Variants in PKHD1 observed in about 807,000 individuals in gnomAD.
PKHD1 encodes PKHD1 ciliary IPT domain containing fibrocystin/polyductin, also known as fibrocystin.
In PKHD1, 291 loss-of-function variants were observed where a neutral mutation model predicts 412.0. The observed-to-expected ratio is 0.71, with a 90% CI of 0.64 to 0.78. The LOEUF (loss-of-function observed/expected upper bound fraction) is 0.78, where lower values mean the gene tolerates loss of function less well. PKHD1 is among the 30% of genes least tolerant of loss of function. The probability of loss-of-function intolerance (pLI) is 0.00; values close to 1 mark genes in which losing one functional copy is unlikely to be tolerated. For missense variants in PKHD1, 4,825 were observed against 4,950.7 expected (o/e 0.97, Z 0.76); for synonymous variants, 1,777 against 1,821.5 (o/e 0.98, Z 0.62).
intron 35 of PKHD1, chr6:51,975,854 A>T (rs999668557): frequency 1.3e-5 from 2 of 150,704 alleles, no homozygotes; most frequent in African/African-American, 4.9e-5. Context: ...CCCAGGTTGG[A>T]AAAAGAGCAG....
chr6:52,017,512 G>C lies in PKHD1; in HGVS notation c.5498C>G (p.Ser1833Trp). ...CTCGCAAATGTAGAGGTAAGGCCAC[G>C]ATTCAAGCAGTTGCTCTGTCGCCAT... is the stretch of plus-strand genomic sequence containing the variant. Reference protein sequence around the residue: ...VAMATEQLLESWPYLYICEES... With the variant: ...VAMATEQLLEWWPYLYICEES... The change falls in exon 34 of 67, where the codon TCG becomes TGG. Residue 1833 changes from serine (S) to tryptophan (W), a missense_variant. Physicochemically the swap from Ser to Trp is radical, Grantham distance 177 (BLOSUM62 -3). Transcript: ENST00000371117. 6.2e-7 allele frequency: 1 copy of C among 1,613,924 alleles called. No individual in the cohort carries two copies.
In PKHD1 at chr6:51,649,190, C is replaced by T; in HGVS notation, c.11205G>A (p.Leu3735=). 1 of 1,611,880 alleles carries T rather than the reference C, an allele frequency of 6.2e-7. No homozygotes were observed. Among genetic ancestry groups the T allele is most frequent in the Non-Finnish European group, 8.5e-7 (1 of 1,178,060 alleles). The change falls in exon 62 of 67, where the codon TTG becomes TTA. Residue 3735 remains leucine (L), a synonymous_variant. Coordinates refer to ENST00000371117, the MANE Select transcript of PKHD1 (RefSeq NM_138694.4). Reference sequence around the variant, plus strand: ...AAAGTGCATAGGGCCGAATATATATCAAGTTCCCAGTTTTAAAACTGCTTG... The same window carrying T: ...AAAGTGCATAGGGCCGAATATATATTAAGTTCCCAGTTTTAAAACTGCTTG... ...GNTSSFKTGN[L]IYIRPYALSI...
chr6:52,060,965 C>T (rs1033112291), intron 14 of PKHD1, among the ~76,000 whole-genome samples: 3 of 152,008 alleles, frequency 2.0e-5, no homozygotes, highest in African/African-American at 7.3e-5. Flanking sequence ...GCTTGTGGTT[C>T]CTCAAAATGG....
chr6:51,883,543 C>T (rs1777726786), intron 45 of PKHD1, among the ~76,000 whole-genome samples: 1 of 152,122 alleles, frequency 6.6e-6, no homozygotes, highest in Non-Finnish European at 1.5e-5. Flanking sequence ...CAGAGAAAAA[C>T]ATTGCATCCA....
In PKHD1 at chr6:52,028,191, G is replaced by A. The variant is rs751244001; in HGVS notation, c.3525C>T (p.Ser1175=). Residue 1175 remains serine (S), a synonymous_variant, in exon 30 of 67, where the codon TCC becomes TCT. Coordinates refer to ENST00000371117, the MANE Select transcript of PKHD1 (RefSeq NM_138694.4). ...PPLPAGLHRI[S]VSINGVSIHS... ...GAATGCTGACCCCATTGATAGAGAC[G>A]GAAATTCTGTGGAGACCAGCTGGCA... The A allele has an allele frequency of 1.7e-5, 28 of 1,614,116 alleles. No individual in the cohort carries two copies. The highest frequency in any genetic ancestry group is 4.0e-5 in the African/African-American group (3 of 74,934).
chr6:52,026,203 C>G, intron 31 of PKHD1, 22 bp from the exon 32 acceptor site: 14 of 1,607,546 alleles, frequency 8.7e-6, no homozygotes, highest in Non-Finnish European at 1.1e-5. Flanking sequence ...ATACGGAAAG[C>G]AAAATATTAT....
At chr6:51,708,241 C>T (rs1484926491) in intron 60 of PKHD1, among the ~76,000 whole-genome samples, 2 of 152,140 alleles carry the variant, frequency 1.3e-5, no homozygotes, top group Non-Finnish European at 2.9e-5. Flanking sequence ...CTCTTTTCCT[C>T]ATCTCTTACC....
rs1277193806 is a variant in PKHD1, at chr6:51,631,927, CT to C, written c.11665+637del. On this transcript the variant is annotated intron_variant, in intron 65 of 66. Coordinates refer to ENST00000371117, the MANE Select transcript of PKHD1 (RefSeq NM_138694.4). ...GGAGAGGATGACATTTCCCCGGATTCTTTTTTTTTTTCTTTTTTTTTTTTTT... is the reference window on the plus strand; with the variant it reads ...GGAGAGGATGACATTTCCCCGGATTCTTTTTTTTTTCTTTTTTTTTTTTTT... Among the ~76,000 whole-genome samples, 112 of 137,586 alleles carry C rather than the reference CT, an allele frequency of 8.1e-4. 1 individual carries two copies. The highest frequency in any genetic ancestry group is 1.8e-3 in the African/African-American group (66 of 36,516). The allele number at this position is 137,586 out of a possible 152,430, so 90.3% of individuals were successfully genotyped here.
chr6:51,971,794 A>T (rs1360780487), intron 35 of PKHD1, among the ~76,000 whole-genome samples: 1 of 151,986 alleles, frequency 6.6e-6, no homozygotes, highest in Non-Finnish European at 1.5e-5. Context: ...GAAGTGGTGC[A>T]GTCTCAAATC....
At chr6:51,779,085 G>A (rs1306087492) in intron 53 of PKHD1, among the ~76,000 whole-genome samples, 1 of 152,108 alleles carries the variant, frequency 6.6e-6, no homozygotes, top group Non-Finnish European at 1.5e-5. Flanking sequence ...AGAACTAGTA[G>A]GGGACAAGGA....
intron 35 of PKHD1, among the ~76,000 whole-genome samples, chr6:52,000,539 GAAAT>G (rs1300314746): frequency 2.6e-5 from 4 of 152,150 alleles, no homozygotes; most frequent in Non-Finnish European, 2.9e-5. Flanking sequence ...ACTTTAGAAG[GAAAT>G]AAATAATCAT....
chr6:52,033,035 A>G lies in PKHD1; in HGVS notation c.3359T>C (p.Ile1120Thr). ...TGCAGTATCACATATTTTACCTGCT[A>G]TATTGCTTATGTTTCTGCTCAGAGT... is the stretch of plus-strand genomic sequence containing the variant. The part of the protein sequence containing the change: ...IVTLSRNISN[I>T]AGGETLVIGV... Residue 1120 changes from isoleucine (I) to threonine (T), a missense_variant, in exon 29 of 67, where the codon ATA (isoleucine) becomes ACA (threonine). Physicochemically the swap from Ile to Thr is moderately conservative, Grantham distance 89 (BLOSUM62 -1). Coordinates refer to ENST00000371117, the MANE Select transcript of PKHD1 (RefSeq NM_138694.4). 6.2e-7 allele frequency: 1 copy of G among 1,612,262 alleles called. No individual in the cohort carries two copies. Among genetic ancestry groups the G allele is most frequent in the Non-Finnish European group, 8.5e-7 (1 of 1,178,432 alleles).
chr6:51,881,122 C>T (rs567583548), intron 46 of PKHD1, among the ~76,000 whole-genome samples: 2 of 141,274 alleles, frequency 1.4e-5, no homozygotes, highest in East Asian at 4.2e-4. Flanking sequence ...CACCTGGCAA[C>T]ATAGTGGTTC....
At position 51,617,910 on chromosome 6, in the gene PKHD1, T is replaced by A. The variant is rs1239473961; in HGVS notation, c.*1171A>T. ...CTGGTTTTCAGGATTTTCAGGAAAATCTGAGAGCAATCTCTTTTTGGAAGC... is the reference window on the plus strand; with the variant it reads ...CTGGTTTTCAGGATTTTCAGGAAAAACTGAGAGCAATCTCTTTTTGGAAGC... On this transcript the variant is annotated 3_prime_UTR_variant, in exon 67 of 67. Transcript: ENST00000371117. 2 of 152,172 alleles carry A rather than the reference T, an allele frequency of 1.3e-5. No homozygotes were observed. Among genetic ancestry groups the A allele is most frequent in the Non-Finnish European group, 2.9e-5 (2 of 68,032 alleles). The allele number at this position is 152,172 out of a possible 1,614,324, so 9.4% of individuals were successfully genotyped here. A position where few individuals can be genotyped will look rare whatever the true frequency, so the allele number is the denominator to read the frequency against.
chr6:51,655,529 C>T (rs1771677252), intron 61 of PKHD1, among the ~76,000 whole-genome samples: 1 of 152,116 alleles, frequency 6.6e-6, no homozygotes, highest in African/African-American at 2.4e-5. Context: ...CTCACAGTAA[C>T]TGTTTTCATG....
chr6:52,014,949 C>T (rs768608463), intron 34 of PKHD1, among the ~76,000 whole-genome samples: 7 of 152,156 alleles, frequency 4.6e-5, no homozygotes, highest in Non-Finnish European at 7.3e-5. Context: ...TGGAAAAACA[C>T]ATAAAAACTC....
chr6:51,865,035 T>C (rs893015867), intron 48 of PKHD1, among the ~76,000 whole-genome samples: 16 of 152,202 alleles, frequency 1.1e-4, no homozygotes, highest in African/African-American at 3.9e-4. Context: ...CACTGGCATG[T>C]GTTTCTGATA....
intron 60 of PKHD1, among the ~76,000 whole-genome samples, chr6:51,668,090 T>G (rs932114419): frequency 2.0e-5 from 3 of 152,170 alleles, no homozygotes; most frequent in Non-Finnish European, 2.9e-5. Context: ...AAGAAAGTCA[T>G]TGGTAGCTTG....
At chr6:52,032,881 G>T in intron 29 of PKHD1, 149 bp downstream of exon 29, 1 of 720,388 alleles carries the variant, frequency 1.4e-6, no homozygotes, top group Non-Finnish European at 2.5e-6. Flanking sequence ...AGATTGATTC[G>T]ATGATGGCTA....
Sources: gnomAD v4.1 joint callset for allele counts (sites outside exome capture counted in the v4.1 genomes callset) on GRCh38, gnomAD v4.1.1 for gene constraint, MANE v1.5 for transcripts, NCBI Gene and HGNC (gene_info 2026-07-23, HGNC 2026-07-21) for gene names.